ADAMTSL1: variants seen among roughly 807,000 people sequenced by gnomAD.
ADAMTSL1 encodes the protein ADAMTS like 1, also known as ADAMTS-like protein 1.
Under a neutral mutation model 201.8 loss-of-function variants are expected in ADAMTSL1, and 126 were observed. The ratio of observed to expected loss-of-function variants is 0.62; its 90% CI spans 0.54 to 0.72. The LOEUF (loss-of-function observed/expected upper bound fraction) is 0.72. ADAMTSL1 is among the 30% of genes least tolerant of loss of function. The probability of loss-of-function intolerance (pLI) is 0.00; values close to 1 mark genes in which losing one functional copy is unlikely to be tolerated. For synonymous variants in ADAMTSL1, 1,121 were observed against 903.4 expected (o/e 1.24, Z -4.32); for missense variants, 2,679 against 2,277.8 (o/e 1.18, Z -3.59).
rs547300754 is a variant in ADAMTSL1 at position 18,128,815 on chromosome 9, C to G, written c.88-35047C>G. 6.6e-5 allele frequency among the ~76,000 whole-genome samples: 10 copies of G among 152,156 alleles called. No homozygotes were observed. In the East Asian group the frequency reaches 1.7e-3, roughly 26 times the overall value. On this transcript the variant is annotated intron_variant, in intron 1 of 29. Transcript: ENST00000680146. ...AAGTAGGTATTTAGGCTAAAGCACC[C>G]TTATAAACATAACCCTTATAAACAA...
chr9:18,088,697 C>G (rs1228942259), intron 1 of ADAMTSL1, among the ~76,000 whole-genome samples: 1 of 152,048 alleles, frequency 6.6e-6, no homozygotes, highest in Non-Finnish European at 1.5e-5. Flanking sequence ...TGACCTCATA[C>G]CTATTTAGGA....
chr9:18,289,067 T>G (rs116453247), intron 2 of ADAMTSL1, among the ~76,000 whole-genome samples: 2,201 of 152,226 alleles, frequency 0.014, 61 homozygotes, highest in African/African-American at 0.051. Context: ...TTAGTCTGGG[T>G]TCTCCAAAGA....
intron 2 of ADAMTSL1, among the ~76,000 whole-genome samples, chr9:18,419,638 C>T (rs1385333930): frequency 6.6e-6 from 1 of 151,814 alleles, no homozygotes; most frequent in Non-Finnish European, 1.5e-5. Context: ...GCTAGACACA[C>T]TACATGTGAT....
chr9:18,610,724 G>A (rs916737448), intron 4 of ADAMTSL1, among the ~76,000 whole-genome samples: 16 of 152,148 alleles, frequency 1.1e-4, no homozygotes. Flanking sequence ...CAATTGTGAT[G>A]GGAGGAGAAT....
At chr9:18,182,041 A>C (rs929026856) in intron 2 of ADAMTSL1, among the ~76,000 whole-genome samples, 21 of 151,876 alleles carry the variant, frequency 1.4e-4, no homozygotes, top group African/African-American at 4.1e-4. Context: ...TGCAAGAACA[A>C]AAAACCAAAC....
chr9:18,511,283 G>C (rs1235785060), intron 2 of ADAMTSL1, among the ~76,000 whole-genome samples: 2 of 151,552 alleles, frequency 1.3e-5, no homozygotes, highest in African/African-American at 4.8e-5. Context: ...TGTATTAAGA[G>C]CATAAATTAA....
chr9:18,061,226 TAGC>T (rs932917770), intron 1 of ADAMTSL1, among the ~76,000 whole-genome samples: 1 of 152,232 alleles, frequency 6.6e-6, no homozygotes, highest in African/African-American at 2.4e-5. Flanking sequence ...ACAGGTCACT[TAGC>T]AGCTCTGATA....
intron 15 of ADAMTSL1, among the ~76,000 whole-genome samples, chr9:18,742,686 A>T (rs10963742): frequency 0.15 from 22,312 of 152,202 alleles, 1,678 homozygotes; most frequent in Middle Eastern, 0.19. Flanking sequence ...AACATGGTGT[A>T]TTGGGAAGCC....
chr9:18,815,711 C>CAAAAAAAAAAAAAAAAA (rs35926602), intron 20 of ADAMTSL1, among the ~76,000 whole-genome samples: 6 of 67,930 alleles, frequency 8.8e-5, no homozygotes, highest in Non-Finnish European at 1.7e-4. Flanking sequence ...AACCCTGTCT[C>CAAAAAAAAAAAAAAAAA]AAAAAAAAAA....
intron 2 of ADAMTSL1, among the ~76,000 whole-genome samples, chr9:18,284,255 A>T (rs1338614105): frequency 7.2e-5 from 11 of 152,076 alleles, no homozygotes; most frequent in Non-Finnish European, 1.3e-4. Context: ...AAAAAGAATT[A>T]AAAAAACATT....
In ADAMTSL1 at chr9:18,681,895, C is replaced by T. The variant is rs1329239155; in HGVS notation, c.1425C>T (p.Ser475=). The change falls in exon 12 of 29, where the codon AGC becomes AGT. Residue 475 remains serine (S), a synonymous_variant. Coordinates refer to ENST00000380548, the MANE Select transcript of ADAMTSL1 (RefSeq NM_001040272.6). ...DHRGMHTGGC[S]PKTKPHIKEE... ...GAGGAATGCACACAGGAGGCTGTAGCCCAAAAACAAAGCCCCACATAAAAG... is the reference window on the plus strand; with the variant it reads ...GAGGAATGCACACAGGAGGCTGTAGTCCAAAAACAAAGCCCCACATAAAAG... The T allele has an allele frequency of 6.8e-6, 11 of 1,613,966 alleles. No homozygotes were observed. Among genetic ancestry groups the T allele is most frequent in the African/African-American group, 2.7e-5 (2 of 74,890 alleles).
chr9:18,521,083 A>T (rs931528729), intron 2 of ADAMTSL1, among the ~76,000 whole-genome samples: 1 of 152,196 alleles, frequency 6.6e-6, no homozygotes, highest in Non-Finnish European at 1.5e-5. Context: ...AAGGAGATTT[A>T]ACCTCAAATG....
intron 2 of ADAMTSL1, among the ~76,000 whole-genome samples, chr9:18,398,270 C>G (rs901853436): frequency 7.2e-5 from 11 of 152,076 alleles, no homozygotes; most frequent in African/African-American, 2.7e-4. Flanking sequence ...CATAGGTCCT[C>G]CCATTGTGTC....
At chr9:18,406,308 T>TCTTTTCTTTTCTTTTCTTTTCTTTC in intron 2 of ADAMTSL1, among the ~76,000 whole-genome samples, 4 of 116,684 alleles carry the variant, frequency 3.4e-5, no homozygotes, top group African/African-American at 1.1e-4. Context: ...TCTTTTCTTT[T>TCTTTTCTTTTCTTTTCTTTTCTTTC]CTTTTCTTTT....
intron 2 of ADAMTSL1, among the ~76,000 whole-genome samples, chr9:18,368,063 CTAATT>C: frequency 6.7e-6 from 1 of 148,396 alleles, no homozygotes; most frequent in East Asian, 2.1e-4. Context: ...CCACGCCAGG[CTAATT>C]TTTTTTTTTT....
Position 18,654,819 on chromosome 9 carries a change from T to C in ADAMTSL1, c.835-2820T>C, listed in dbSNP as rs1232423964. 2.0e-5 allele frequency among the ~76,000 whole-genome samples: 3 copies of C among 152,270 alleles called. No homozygotes were observed. The East Asian group carries it at 5.8e-4, about 29-fold the overall frequency. ...CATGTTATTCTCTCCCTAGCAGGCA[T>C]ACTGATGTATGTTCACTGTTTCCAA... On this transcript the variant is annotated intron_variant, in intron 7 of 28. Coordinates refer to ENST00000380548, the MANE Select transcript of ADAMTSL1 (RefSeq NM_001040272.6).
At chr9:17,929,315 C>T (rs911956256) in intron 1 of ADAMTSL1, among the ~76,000 whole-genome samples, 3 of 152,010 alleles carry the variant, frequency 2.0e-5, no homozygotes, top group Non-Finnish European at 4.4e-5. Context: ...TTATCCTAAT[C>T]CACTCCCCCA....
intron 1 of ADAMTSL1, among the ~76,000 whole-genome samples, chr9:17,944,179 CAGAG>C (rs976148909): frequency 3.9e-4 from 59 of 152,138 alleles, no homozygotes; most frequent in Middle Eastern, 3.4e-3. Context: ...AACAGACAAA[CAGAG>C]AGCCAAATCA....
At chr9:18,573,468 A>C (rs1822471593) in intron 3 of ADAMTSL1, 1 of 155,938 alleles carries the variant, frequency 6.4e-6, no homozygotes, top group Non-Finnish European at 1.4e-5. Flanking sequence ...TTCATATATA[A>C]ATGGTTTCAT....
Sources: gnomAD v4.1 joint callset for allele counts (sites outside exome capture counted in the v4.1 genomes callset) on GRCh38, gnomAD v4.1.1 for gene constraint, MANE v1.5 for transcripts, NCBI Gene and HGNC (gene_info 2026-07-23, HGNC 2026-07-21) for gene names.